FGF14: variants seen among roughly 807,000 people sequenced by gnomAD.
FGF14 encodes fibroblast growth factor 14.
A neutral mutation model predicts 25.5 loss-of-function variants in FGF14; 5 were observed. That is an observed-to-expected ratio of 0.20 (90% confidence interval 0.10 to 0.41). The LOEUF (loss-of-function observed/expected upper bound fraction) is 0.41, where lower values mean the gene tolerates loss of function less well. FGF14 is among the 10% of genes least tolerant of loss of function. The pLI, the probability that FGF14 is intolerant of heterozygous loss-of-function variation, is 1.00. For synonymous variants in FGF14, 138 were observed against 118.3 expected (o/e 1.17, Z -1.08); for missense variants, 222 against 320.1 (o/e 0.69, Z 2.34).
At chr13:102,151,782 G>A (rs982060831) in intron 1 of FGF14, among the ~76,000 whole-genome samples, 1 of 152,132 alleles carries the variant, frequency 6.6e-6, no homozygotes, top group Non-Finnish European at 1.5e-5. Flanking sequence ...ACAGGCATGA[G>A]CCACCATACC....
intron 1 of FGF14, among the ~76,000 whole-genome samples, chr13:102,092,012 A>T (rs971743593): frequency 6.6e-6 from 1 of 152,230 alleles, no homozygotes; most frequent in African/African-American, 2.4e-5. Context: ...ATATATGCAT[A>T]AAATCATAAT....
intron 1 of FGF14, among the ~76,000 whole-genome samples, chr13:102,390,804 T>C (rs1316906602): frequency 6.6e-6 from 1 of 152,188 alleles, no homozygotes; most frequent in Non-Finnish European, 1.5e-5. Context: ...AAAAGAGTAA[T>C]ATAATTTTAA....
At chr13:102,257,347 T>C (rs553147873) in intron 1 of FGF14, among the ~76,000 whole-genome samples, 2 of 119,434 alleles carry the variant, frequency 1.7e-5, no homozygotes, top group Admixed American at 8.3e-5. Flanking sequence ...CTTTTCTTTT[T>C]TTTTTTTTTT....
At chr13:102,246,250 C>A (rs2051862116) in intron 1 of FGF14, among the ~76,000 whole-genome samples, 1 of 152,004 alleles carries the variant, frequency 6.6e-6, no homozygotes, top group Admixed American at 6.6e-5. Flanking sequence ...ATTGATAAAG[C>A]AAATGACCAT....
chr13:101,956,422 A>G (rs1298688519), intron 1 of FGF14, among the ~76,000 whole-genome samples: 1 of 152,172 alleles, frequency 6.6e-6, no homozygotes, highest in Non-Finnish European at 1.5e-5. Context: ...AATTTGCCCA[A>G]CATCTATATT....
chr13:101,739,958 G>A lies in FGF14; in HGVS notation c.409-13148C>T, dbSNP rs112804283. Reference sequence around the variant, plus strand: ...GTAGTTAAAAATCAACTTAGAACCCGATGTTACCCATAGATTTCAGGCATT... The same window carrying A: ...GTAGTTAAAAATCAACTTAGAACCCAATGTTACCCATAGATTTCAGGCATT... On this transcript the variant is annotated intron_variant, in intron 3 of 4. Transcript: ENST00000376143. Among the ~76,000 whole-genome samples, 20 of 152,226 alleles carry A rather than the reference G, an allele frequency of 1.3e-4. 1 individual carries two copies. The highest frequency in any genetic ancestry group is 3.4e-4 in the African/African-American group (14 of 41,536).
intron 1 of FGF14, among the ~76,000 whole-genome samples, chr13:102,399,831 G>T (rs992232017): frequency 1.3e-5 from 2 of 152,062 alleles, no homozygotes; most frequent in Non-Finnish European, 1.5e-5. Context: ...AGGACTCAGG[G>T]CAGAGCCCAG....
At chr13:102,178,583 TTCTATG>T (rs1566786382) in intron 1 of FGF14, among the ~76,000 whole-genome samples, 1 of 152,118 alleles carries the variant, frequency 6.6e-6, no homozygotes, top group Non-Finnish European at 1.5e-5. Context: ...TTATTCTATA[TTCTATG>T]TCCACGTGTA....
chr13:101,855,218 G>A (rs1255081614), intron 3 of FGF14, among the ~76,000 whole-genome samples: 3 of 151,952 alleles, frequency 2.0e-5, no homozygotes, highest in African/African-American at 4.8e-5. Flanking sequence ...CAGTGACTCT[G>A]GGCTTTGGGT....
intron 1 of FGF14, among the ~76,000 whole-genome samples, chr13:102,146,872 A>G (rs979256579): frequency 6.6e-6 from 1 of 152,216 alleles, no homozygotes; most frequent in Admixed American, 6.5e-5. Flanking sequence ...AAGACATCAC[A>G]TAAAATAACA....
chr13:101,802,900 C>T (rs749120728), intron 3 of FGF14, among the ~76,000 whole-genome samples: 1 of 152,010 alleles, frequency 6.6e-6, no homozygotes, highest in Non-Finnish European at 1.5e-5. Flanking sequence ...CCCCTGGCTT[C>T]GTGTTGAGGC....
At chr13:101,845,164 C>G (rs372430018) in intron 3 of FGF14, among the ~76,000 whole-genome samples, 1 of 151,922 alleles carries the variant, frequency 6.6e-6, no homozygotes, top group East Asian at 1.9e-4. Flanking sequence ...GCAAAATTTC[C>G]TGAAAAATTA....
intron 1 of FGF14, among the ~76,000 whole-genome samples, chr13:101,930,267 C>T (rs575879896): frequency 9.2e-5 from 14 of 152,280 alleles, no homozygotes; most frequent in African/African-American, 2.9e-4. Flanking sequence ...ATCTCAGAGG[C>T]AACTTCAGTA....
intron 3 of FGF14, among the ~76,000 whole-genome samples, chr13:101,777,986 C>T (rs909903370): frequency 6.6e-6 from 1 of 151,950 alleles, no homozygotes; most frequent in Admixed American, 6.6e-5. Flanking sequence ...AAATAAAACC[C>T]AGAGGGGAAG....
intron 1 of FGF14, among the ~76,000 whole-genome samples, chr13:102,313,167 A>C (rs2055855658): frequency 6.6e-6 from 1 of 152,206 alleles, no homozygotes; most frequent in South Asian, 2.1e-4. Context: ...GCTATCCAAC[A>C]ATCAATTCAA....
chr13:101,949,950 T>A (rs2036048496), intron 1 of FGF14, among the ~76,000 whole-genome samples: 2 of 152,196 alleles, frequency 1.3e-5, no homozygotes, highest in Non-Finnish European at 2.9e-5. Flanking sequence ...CTTGGGCAGG[T>A]GGCAGGAAGT....
At chr13:101,990,611 C>T (rs551482360) in intron 1 of FGF14, among the ~76,000 whole-genome samples, 2 of 152,166 alleles carry the variant, frequency 1.3e-5, no homozygotes, top group African/African-American at 4.8e-5. Flanking sequence ...AGATGGCCAT[C>T]TCTAGCACTG....
chr13:101,860,358 C>A (rs144509534), intron 3 of FGF14, among the ~76,000 whole-genome samples: 6 of 151,984 alleles, frequency 3.9e-5, no homozygotes, highest in African/African-American at 1.2e-4. Flanking sequence ...GCCAACTCAT[C>A]TGGTTAATGG....
chr13:101,842,264 C>A (rs191004837), intron 3 of FGF14, among the ~76,000 whole-genome samples: 174 of 152,114 alleles, frequency 1.1e-3, no homozygotes, highest in Non-Finnish European at 1.8e-3. Context: ...CATCTTTGTG[C>A]CTCTTCTCTT....
Sources: gnomAD v4.1 joint callset for allele counts (sites outside exome capture counted in the v4.1 genomes callset) on GRCh38, gnomAD v4.1.1 for gene constraint, MANE v1.5 for transcripts, NCBI Gene and HGNC (gene_info 2026-07-23, HGNC 2026-07-21) for gene names.